HECW2: variants seen among roughly 807,000 people sequenced by gnomAD.
HECW2 encodes E3 ubiquitin-protein ligase HECW2.
HECW2 carries 61 observed loss-of-function variants against 175.2 expected under a neutral mutation model. The ratio of observed to expected loss-of-function variants is 0.35; its 90% CI spans 0.28 to 0.43. HECW2 has a LOEUF of 0.43. Ranked by LOEUF, HECW2 falls within the 20% of genes least tolerant of loss-of-function variation. The pLI is 1.00. For synonymous variants in HECW2, 671 were observed against 731.0 expected (o/e 0.92, Z 1.32); for missense variants, 1,524 against 2,000.5 (o/e 0.76, Z 4.54).
At chr2:196,250,703 T>G (rs4850688) in intron 19 of HECW2, among the ~76,000 whole-genome samples, 147,933 of 152,080 alleles carry the variant, frequency 0.97, 72,106 homozygotes, top group East Asian at 1. Context: ...CTGTGTTTCT[T>G]CCTTCAGTGT....
intron 9 of HECW2, among the ~76,000 whole-genome samples, chr2:196,317,582 C>A (rs569263358): frequency 1.6e-4 from 25 of 152,014 alleles, no homozygotes; most frequent in African/African-American, 6.0e-4. Context: ...ATGTATCCCC[C>A]GCTCCTGCAG....
At chr2:196,572,813 T>C (rs1261743569) in intron 1 of HECW2, among the ~76,000 whole-genome samples, 1 of 152,178 alleles carries the variant, frequency 6.6e-6, no homozygotes, top group Non-Finnish European at 1.5e-5. Flanking sequence ...ACAAGACAGC[T>C]GTCTATAAGC....
intron 1 of HECW2, among the ~76,000 whole-genome samples, chr2:196,565,585 G>A (rs1399747160): frequency 6.6e-6 from 1 of 152,160 alleles, no homozygotes; most frequent in Non-Finnish European, 1.5e-5. Context: ...CACAAAACTA[G>A]TGAAAAATCT....
At chr2:196,565,843 T>C (rs1354919534) in intron 1 of HECW2, among the ~76,000 whole-genome samples, 2 of 152,214 alleles carry the variant, frequency 1.3e-5, no homozygotes, top group Non-Finnish European at 2.9e-5. Context: ...AAATAATGTA[T>C]AGTACATGCG....
At chr2:196,467,595 A>G (rs1697011098) in intron 1 of HECW2, among the ~76,000 whole-genome samples, 2 of 152,224 alleles carry the variant, frequency 1.3e-5, no homozygotes, top group South Asian at 2.1e-4. Flanking sequence ...AATGGCTGCT[A>G]TGTATTTGTA....
At chr2:196,354,273 C>G (rs1169803401) in intron 2 of HECW2, among the ~76,000 whole-genome samples, 3 of 152,166 alleles carry the variant, frequency 2.0e-5, no homozygotes, top group Admixed American at 2.0e-4. Flanking sequence ...TTGTGGCCAC[C>G]CCTGCCTGGG....
chr2:196,349,595 C>T (rs550086169), intron 2 of HECW2, among the ~76,000 whole-genome samples: 183 of 152,042 alleles, frequency 1.2e-3, no homozygotes, highest in Non-Finnish European at 2.0e-3. Context: ...CAGATGTGAG[C>T]CACCATGCCT....
At chr2:196,208,723 T>C (rs746661020) in intron 28 of HECW2, among the ~76,000 whole-genome samples, 16 of 152,114 alleles carry the variant, frequency 1.1e-4, no homozygotes, top group East Asian at 3.8e-4. Context: ...TGAAGCATAA[T>C]TGAGTTTGGC....
chr2:196,229,038 A>G (rs145976073), intron 21 of HECW2, among the ~76,000 whole-genome samples: 2 of 152,334 alleles, frequency 1.3e-5, no homozygotes, highest in African/African-American at 2.4e-5. Context: ...TGACGAGAGT[A>G]AAAAATGCAA....
In HECW2 at chr2:196,318,726, C is replaced by A; in HGVS notation, c.2164G>T (p.Ala722Ser). The A allele has an allele frequency of 1.3e-6, 2 of 1,548,166 alleles. No homozygotes were observed. The highest frequency in any genetic ancestry group is 1.7e-6 in the Non-Finnish European group (2 of 1,147,498). The change falls in exon 9 of 29, where the codon GCA (alanine) becomes TCA (serine). Residue 722 changes from alanine (A) to serine (S), a missense_variant. Physicochemically the swap from Ala to Ser is moderately conservative, Grantham distance 99. This residue lies in a region of HECW2 where 604 missense variants were observed against 588.3 expected (regional missense o/e 1.03). Transcript: ENST00000644978. The stretch of plus-strand genomic sequence containing the variant: ...TGGTCAGGTACAGTGGCCGATTCTG[C>A]CCCTGGCCCTTCATCCTCCCCACTG... ...VPSGEDEGPG[A>S]ESATVPDQEE...
At chr2:196,584,185 AGAGT>A (rs993367108) in intron 1 of HECW2, among the ~76,000 whole-genome samples, 6 of 152,236 alleles carry the variant, frequency 3.9e-5, no homozygotes, top group African/African-American at 1.2e-4. Flanking sequence ...GGGGCCTGAA[AGAGT>A]AAGTAGAAGT....
chr2:196,215,234 G>A (rs188665512), intron 28 of HECW2, among the ~76,000 whole-genome samples: 1 of 152,330 alleles, frequency 6.6e-6, no homozygotes, highest in African/African-American at 2.4e-5. Context: ...GATGGGTAAT[G>A]TGTGGACGTT....
intron 1 of HECW2, among the ~76,000 whole-genome samples, chr2:196,562,660 C>T (rs1023055750): frequency 6.6e-6 from 1 of 152,162 alleles, no homozygotes; most frequent in African/African-American, 2.4e-5. Context: ...GGCGGGCTGT[C>T]CCAAAGTATT....
intron 13 of HECW2, among the ~76,000 whole-genome samples, chr2:196,298,404 T>G (rs1338278097): frequency 1.3e-5 from 2 of 152,232 alleles, no homozygotes; most frequent in Non-Finnish European, 2.9e-5. Flanking sequence ...ACTTTAGTGT[T>G]ATGACAACCA....
At chr2:196,259,768 A>G (rs887408328) in intron 17 of HECW2, among the ~76,000 whole-genome samples, 2 of 152,204 alleles carry the variant, frequency 1.3e-5, no homozygotes, top group African/African-American at 4.8e-5. Context: ...TTCTGATAAG[A>G]GATGTAAATG....
intron 1 of HECW2, among the ~76,000 whole-genome samples, chr2:196,569,160 G>A (rs1381590286): frequency 3.3e-5 from 5 of 152,016 alleles, no homozygotes; most frequent in African/African-American, 1.2e-4. Flanking sequence ...AACATAGTGA[G>A]ACCCCATCTC....
chr2:196,320,891 C>T (rs1189374207), intron 7 of HECW2, among the ~76,000 whole-genome samples: 1 of 152,192 alleles, frequency 6.6e-6, no homozygotes, highest in Non-Finnish European at 1.5e-5. Flanking sequence ...ACACTCACAG[C>T]TAAGGATTAT....
intron 1 of HECW2, among the ~76,000 whole-genome samples, chr2:196,436,235 C>T (rs537461327): frequency 1.3e-5 from 2 of 152,076 alleles, no homozygotes; most frequent in East Asian, 1.9e-4. Context: ...CCCATCTCTA[C>T]TACAAAATAG....
intron 1 of HECW2, among the ~76,000 whole-genome samples, chr2:196,507,264 A>G (rs1392643237): frequency 1.3e-5 from 2 of 152,272 alleles, no homozygotes; most frequent in East Asian, 1.9e-4. Context: ...TAGACTACGG[A>G]GCATATTCAA....
Sources: allele counts gnomAD v4.1 joint callset (sites outside exome capture counted in the v4.1 genomes callset), GRCh38; gene constraint gnomAD v4.1.1; regional missense constraint gnomAD v4.1.1; transcripts MANE v1.5; gene names NCBI Gene and HGNC (gene_info 2026-07-23, HGNC 2026-07-21).